CFAP221: variants seen among roughly 807,000 people sequenced by gnomAD.
CFAP221 encodes the protein cilia- and flagella-associated protein 221.
Under a neutral mutation model 113.1 loss-of-function variants are expected in CFAP221, and 97 were observed. The ratio of observed to expected loss-of-function variants is 0.86; its 90% CI spans 0.73 to 1.02. The LOEUF (loss-of-function observed/expected upper bound fraction) is 1.02. Ranked by LOEUF, CFAP221 falls within the 50% of genes least tolerant of loss-of-function variation. The probability of loss-of-function intolerance (pLI) is 0.00; values close to 1 mark genes in which losing one functional copy is unlikely to be tolerated. For missense variants in CFAP221, 1,025 were observed against 1,013.4 expected (o/e 1.01, Z -0.16); for synonymous variants, 331 against 354.4 (o/e 0.93, Z 0.74).
chr2:119,546,505 T>C (rs1680062286), intron 2 of CFAP221, among the ~76,000 whole-genome samples: 1 of 152,204 alleles, frequency 6.6e-6, no homozygotes, highest in African/African-American at 2.4e-5. Flanking sequence ...CTAATGTCTT[T>C]CCTATCTGCT....
At chr2:119,574,773 TC>T (rs1343230090) in intron 6 of CFAP221, among the ~76,000 whole-genome samples, 1 of 152,344 alleles carries the variant, frequency 6.6e-6, no homozygotes, top group East Asian at 1.9e-4. Flanking sequence ...GTAATGCTTG[TC>T]AAAATATTTA....
intron 14 of CFAP221, among the ~76,000 whole-genome samples, chr2:119,622,671 C>T (rs572383069): frequency 3.9e-5 from 6 of 152,270 alleles, no homozygotes; most frequent in African/African-American, 7.2e-5. Context: ...TTATCCATCA[C>T]GATCAAGTCA....
intron 19 of CFAP221, 87 bp downstream of exon 19, chr2:119,630,988 A>AT: frequency 6.7e-7 from 1 of 1,494,612 alleles, no homozygotes. Context: ...CATTGGGAAT[A>AT]TTTTTTCTCT....
chr2:119,595,561 A>G (rs575674680), intron 7 of CFAP221, among the ~76,000 whole-genome samples: 23 of 152,076 alleles, frequency 1.5e-4, no homozygotes, highest in Non-Finnish European at 2.6e-4. Flanking sequence ...CTGTGGTCTT[A>G]CATACTTCAT....
chr2:119,576,986 G>T (rs977341959), intron 6 of CFAP221, among the ~76,000 whole-genome samples: 5 of 152,246 alleles, frequency 3.3e-5, no homozygotes, highest in Admixed American at 1.3e-4. Flanking sequence ...GTGTATGCCG[G>T]TCCTTGAGAG....
At chr2:119,632,512 A>T (rs778668031) in intron 19 of CFAP221, among the ~76,000 whole-genome samples, 1 of 152,176 alleles carries the variant, frequency 6.6e-6, no homozygotes, top group African/African-American at 2.4e-5. Flanking sequence ...ATCTATTTAA[A>T]ACCTAGAGCC....
chr2:119,606,637 A>T (rs1289612921), intron 11 of CFAP221, among the ~76,000 whole-genome samples: 1 of 152,104 alleles, frequency 6.6e-6, no homozygotes, highest in African/African-American at 2.4e-5. Context: ...GTTTTTTTAC[A>T]TATAGAGAAG....
chr2:119,646,928 T>C (rs1357549837), intron 21 of CFAP221, 30 bp from the exon 22 acceptor site: 1 of 1,578,804 alleles, frequency 6.3e-7, no homozygotes, highest in Non-Finnish European at 8.7e-7. Flanking sequence ...TGTGACTCTA[T>C]CTTTGACTGC....
At position 119,549,075 on chromosome 2, in the gene CFAP221, G is replaced by T. The variant is rs918041736; in HGVS notation, c.140-10G>T. The T allele has an allele frequency of 3.3e-6, 5 of 1,498,384 alleles. No homozygotes were observed. Among genetic ancestry groups the T allele is most frequent in the Non-Finnish European group, 4.4e-6 (5 of 1,124,844 alleles). 92.8% of individuals were successfully genotyped at this position (1,498,384 alleles called of 1,614,324 possible). ...GTCTCATGATGTGCTTATCTACATTGTTTTTATAGAGGTTTATGCAAAACT... is the reference window on the plus strand; with the variant it reads ...GTCTCATGATGTGCTTATCTACATTTTTTTTATAGAGGTTTATGCAAAACT... On this transcript the variant is annotated splice_polypyrimidine_tract_variant and intron_variant, in intron 2 of 23. Transcript: ENST00000413369.
intron 7 of CFAP221, among the ~76,000 whole-genome samples, chr2:119,594,224 G>A (rs1234392531): frequency 6.6e-6 from 1 of 151,868 alleles, no homozygotes; most frequent in African/African-American, 2.4e-5. Context: ...TCCTGAGGTT[G>A]TCCTCTTTTT....
At chr2:119,637,603 GT>G (rs1387751564) in intron 19 of CFAP221, among the ~76,000 whole-genome samples, 1 of 152,046 alleles carries the variant, frequency 6.6e-6, no homozygotes, top group Non-Finnish European at 1.5e-5. Context: ...CAAGAATAGG[GT>G]TTTTGTTTTA....
Position 119,608,483 on chromosome 2 carries a change from T to TG in CFAP221, c.1134-19_1134-18insG, listed in dbSNP as rs753451446. ...TATTCTGATGGGTTCTGGACACAGT[T>TG]TTTTTTTTTTCTCCCCAGGCAGGTG... On this transcript the variant is annotated intron_variant, in intron 11 of 23. Transcript: ENST00000413369. 21 of 1,554,444 alleles carry TG rather than the reference T, an allele frequency of 1.4e-5. 1 individual carries two copies. The highest frequency in any genetic ancestry group is 2.3e-5 in the East Asian group (1 of 44,328).
At chr2:119,544,758 G>A (rs908492067) in intron 1 of CFAP221, among the ~76,000 whole-genome samples, 1 of 152,116 alleles carries the variant, frequency 6.6e-6, no homozygotes, top group Non-Finnish European at 1.5e-5. Flanking sequence ...GCGCTTGGCC[G>A]GGGCGAGAGG....
rs530286681 is a variant in CFAP221, at chr2:119,611,675, T to C, written c.1244T>C (p.Leu415Ser). The change falls in exon 13 of 24, where the codon TTG becomes TCG. Residue 415 changes from leucine to serine, a missense_variant. Coordinates refer to ENST00000413369, the MANE Select transcript of CFAP221 (RefSeq NM_001271049.2). ...CAGCTAGACAGAGGAGATCCTATTT[T>C]GGATGAGGAATTTCAGCGACTTAAA... ...KYKLDRGDPI[L>S]DEEFQRLKTE... 82 of 1,613,728 alleles carry C rather than the reference T, an allele frequency of 5.1e-5. 1 individual carries two copies. In the South Asian group the frequency reaches 8.2e-4, roughly 16 times the overall value.
chr2:119,588,790 A>G (rs1224425505), intron 7 of CFAP221, among the ~76,000 whole-genome samples: 1 of 152,106 alleles, frequency 6.6e-6, no homozygotes, highest in African/African-American at 2.4e-5. Flanking sequence ...TGGAGTTGAG[A>G]GAGAGGGGAG....
chr2:119,552,008 TAAG>T (rs1680467354), intron 3 of CFAP221, among the ~76,000 whole-genome samples: 1 of 152,194 alleles, frequency 6.6e-6, no homozygotes, highest in South Asian at 2.1e-4. Flanking sequence ...ATTAGCTTGC[TAAG>T]GGTCCTGTAG....
At chr2:119,621,575 T>C (rs758848227) in intron 14 of CFAP221, among the ~76,000 whole-genome samples, 3 of 152,106 alleles carry the variant, frequency 2.0e-5, no homozygotes, top group African/African-American at 7.2e-5. Flanking sequence ...CCACCCCAAA[T>C]CAACAAAATA....
chr2:119,564,143 A>G (rs1242526453), intron 6 of CFAP221, among the ~76,000 whole-genome samples: 1 of 152,226 alleles, frequency 6.6e-6, no homozygotes, highest in Non-Finnish European at 1.5e-5. Flanking sequence ...CAAGTTAGAA[A>G]GAGCAGCCAC....
intron 19 of CFAP221, among the ~76,000 whole-genome samples, chr2:119,632,279 A>T (rs890407134): frequency 2.6e-5 from 4 of 152,238 alleles, no homozygotes; most frequent in African/African-American, 9.6e-5. Context: ...TGATAAATCA[A>T]ATTAATTGCT....
Sources: allele counts gnomAD v4.1 joint callset (sites outside exome capture counted in the v4.1 genomes callset), GRCh38; gene constraint gnomAD v4.1.1; transcripts MANE v1.5; gene names NCBI Gene and HGNC (gene_info 2026-07-23, HGNC 2026-07-21).